The following AMMECR1 variants were observed in gnomAD, a reference collection of about 807,000 sequenced individuals.
AMMECR1 encodes AMMECR nuclear protein 1, also known as nuclear protein AMMECR1.
AMMECR1 carries 3 observed loss-of-function variants against 22.5 expected under a neutral mutation model. The observed-to-expected ratio is 0.13, with a 90% CI of 0.06 to 0.35. The LOEUF (loss-of-function observed/expected upper bound fraction) is 0.35, where lower values mean the gene tolerates loss of function less well. Ranked by LOEUF, AMMECR1 falls within the 10% of genes least tolerant of loss-of-function variation. The probability of loss-of-function intolerance (pLI) is 1.00; values close to 1 mark genes in which losing one functional copy is unlikely to be tolerated. For missense variants in AMMECR1, 235 were observed against 278.7 expected (o/e 0.84, Z 1.12); for synonymous variants, 130 against 116.7 (o/e 1.11, Z -0.74).
intron 2 of AMMECR1, among the ~76,000 whole-genome samples, chrX:110,345,844 C>G (rs1239286430): frequency 5.4e-5 from 6 of 111,588 alleles, no homozygotes; most frequent in African/African-American, 1.9e-4. Context: ...GACTTTTGTT[C>G]CAGAGTTTAA....
chrX:110,202,946 C>G (rs895063059), intron 3 of AMMECR1, among the ~76,000 whole-genome samples: 2 of 111,896 alleles, frequency 1.8e-5, no homozygotes, highest in African/African-American at 6.5e-5. Context: ...CTCACCACTT[C>G]TGATTAAGTT....
At chrX:110,246,124 T>C (rs2067657400) in intron 2 of AMMECR1, among the ~76,000 whole-genome samples, 1 of 112,198 alleles carries the variant, frequency 8.9e-6, no homozygotes, top group Non-Finnish European at 1.9e-5. Context: ...TTAGTACATA[T>C]AGATTCTTCC....
At chrX:110,278,496 T>C (rs2067837183) in intron 1 of AMMECR1, among the ~76,000 whole-genome samples, 1 of 111,757 alleles carries the variant, frequency 8.9e-6, no homozygotes, top group African/African-American at 3.3e-5. Context: ...TAAGGATAAT[T>C]GCTTACTTAT....
At chrX:110,416,915 C>T (rs2068681602) in intron 2 of AMMECR1, among the ~76,000 whole-genome samples, 1 of 112,080 alleles carries the variant, frequency 8.9e-6, no homozygotes, top group African/African-American at 3.2e-5. Flanking sequence ...ACTATCTTTG[C>T]TAAAGGAAGA....
rs755715437 is a variant in AMMECR1, at chrX:110,361,917, C to T, written c.-147-44068G>A. Reference sequence around the variant, plus strand: ...CAAAAGCTGCCATAGATGAGCATGGCTGTGTTCCAATAAAACTGTATTTAC... The same window carrying T: ...CAAAAGCTGCCATAGATGAGCATGGTTGTGTTCCAATAAAACTGTATTTAC... On this transcript the variant is annotated intron_variant, in intron 2 of 7. Coordinates refer to the AMMECR1 transcript ENST00000372057. 2.7e-5 allele frequency among the ~76,000 whole-genome samples: 3 copies of T among 111,803 alleles called. No individual in the cohort carries two copies. In the East Asian group the frequency reaches 8.4e-4, roughly 31 times the overall value.
intron 2 of AMMECR1, among the ~76,000 whole-genome samples, chrX:110,331,982 A>G (rs1263307500): frequency 9.0e-6 from 1 of 111,436 alleles, no homozygotes; most frequent in African/African-American, 3.3e-5. Flanking sequence ...ACTTCAATTC[A>G]TCCTTTAAGT....
rs2068284722 is a variant in AMMECR1 at position 110,364,556 on chromosome X, TG to T, written c.-147-46708del. On this transcript the variant is annotated intron_variant, in intron 2 of 7. Coordinates refer to the AMMECR1 transcript ENST00000372057. ...GATTTATCAAGATGAATTAATAAAT[TG>T]ACATTTTGGCTTCCAAATTATTGCC... Among the ~76,000 whole-genome samples the T allele has an allele frequency of 3.6e-5, 4 of 111,607 alleles. No homozygotes were observed. The East Asian group carries it at 1.1e-3, about 32-fold the overall frequency.
intron 2 of AMMECR1, among the ~76,000 whole-genome samples, chrX:110,420,651 T>C (rs997202093): frequency 5.4e-5 from 6 of 111,880 alleles, no homozygotes; most frequent in Admixed American, 9.5e-5. Context: ...TGAGGCAGGG[T>C]GTGGGGAGGT....
chrX:110,301,573 G>T (rs1052452343), intron 1 of AMMECR1, among the ~76,000 whole-genome samples: 2 of 111,861 alleles, frequency 1.8e-5, no homozygotes, highest in Admixed American at 1.9e-4. Flanking sequence ...TGAGGAGCTT[G>T]CAGGGGGTCT....
intron 2 of AMMECR1, among the ~76,000 whole-genome samples, chrX:110,393,767 C>A (rs931092550): frequency 8.9e-6 from 1 of 112,543 alleles, no homozygotes; most frequent in Non-Finnish European, 1.9e-5. Context: ...GGGCCACTGT[C>A]CATGGACAGG....
At chrX:110,264,675 C>T (rs1418615536) in intron 1 of AMMECR1, 76 bp from the exon 2 acceptor site, 2 of 842,521 alleles carry the variant, frequency 2.4e-6, no homozygotes, top group Non-Finnish European at 3.4e-6. Context: ...TGACTGTCTG[C>T]TAGGTTAGGT....
intron 2 of AMMECR1, among the ~76,000 whole-genome samples, chrX:110,235,890 A>G (rs1347991714): frequency 9.0e-6 from 1 of 111,621 alleles, no homozygotes; most frequent in African/African-American, 3.3e-5. Flanking sequence ...GCAGCAAACC[A>G]ACATGGCACA....
At chrX:110,298,619 G>A (rs1473703254) in intron 1 of AMMECR1, among the ~76,000 whole-genome samples, 1 of 111,434 alleles carries the variant, frequency 9.0e-6, no homozygotes, top group Non-Finnish European at 1.9e-5. Flanking sequence ...AATTGTATAT[G>A]AGACTCTGGG....
At chrX:110,346,569 C>G (rs1189982670) in intron 2 of AMMECR1, 60 of 446,049 alleles carry the variant, frequency 1.3e-4, no homozygotes, top group Non-Finnish European at 2.3e-4. Context: ...TAAGGACAGA[C>G]AAAAGTAGAA....
intron 2 of AMMECR1, chrX:110,346,574 G>A (rs1027185288): frequency 1.3e-5 from 6 of 448,961 alleles, no homozygotes; most frequent in Non-Finnish European, 2.4e-5. Context: ...ACAGACAAAA[G>A]TAGAATTTTG....
chrX:110,247,167 C>T (rs1386971206), intron 2 of AMMECR1, among the ~76,000 whole-genome samples: 1 of 112,396 alleles, frequency 8.9e-6, no homozygotes, highest in Non-Finnish European at 1.9e-5. Flanking sequence ...GTATGTGGGA[C>T]TTGAATATGT....
intron 2 of AMMECR1, among the ~76,000 whole-genome samples, chrX:110,220,042 T>C (rs1394151347): frequency 8.9e-6 from 1 of 111,962 alleles, no homozygotes; most frequent in Non-Finnish European, 1.9e-5. Context: ...GATTCAGCTT[T>C]CCTCAACCAA....
At chrX:110,238,468 A>C (rs886271405) in intron 2 of AMMECR1, among the ~76,000 whole-genome samples, 17 of 112,559 alleles carry the variant, frequency 1.5e-4, no homozygotes, top group African/African-American at 5.2e-4. Context: ...GCAGCTCAGC[A>C]AAGCCTCTGT....
chrX:110,299,094 A>T (rs2067952690), intron 1 of AMMECR1, among the ~76,000 whole-genome samples: 1 of 111,851 alleles, frequency 8.9e-6, no homozygotes, highest in African/African-American at 3.2e-5. Context: ...TGAATTGCTA[A>T]GTTAGTAATT....
Sources: allele counts gnomAD v4.1 joint callset (sites outside exome capture counted in the v4.1 genomes callset), GRCh38; gene constraint gnomAD v4.1.1; transcripts MANE v1.5; gene names NCBI Gene and HGNC (gene_info 2026-07-23, HGNC 2026-07-21).